VSIG1: variants seen among roughly 807,000 people sequenced by gnomAD.
The protein encoded by VSIG1 is V-set and immunoglobulin domain containing 1, also known as V-set and immunoglobulin domain-containing protein 1.
VSIG1 carries 11 observed loss-of-function variants against 20.1 expected under a neutral mutation model. The observed-to-expected ratio is 0.55, with a 90% CI of 0.34 to 0.91. The LOEUF is 0.91. Ranked by LOEUF, VSIG1 falls within the 40% of genes least tolerant of loss-of-function variation. The pLI is 0.02. For synonymous variants in VSIG1, 126 were observed against 116.7 expected, an observed-to-expected ratio of 1.08 and a Z score of -0.52; for missense variants, 283 against 298.8, an observed-to-expected ratio of 0.95 and a Z score of 0.39.
the VSIG1 span, among the ~76,000 whole-genome samples, chrX:108,031,980 G>T: frequency 3.7e-3 from 417 of 112,033 alleles, 1 homozygote; most frequent in Non-Finnish European, 6.0e-3. Flanking sequence ...GCCCCATATG[G>T]TAAAGCTGTT....
chrX:108,028,512 T>A, the VSIG1 span, among the ~76,000 whole-genome samples: 1 of 111,215 alleles, frequency 9.0e-6, no homozygotes, highest in African/African-American at 3.3e-5. Context: ...TTTGAGATTA[T>A]GATTGAGAAG....
At chrX:108,059,529 T>C (rs2147925748) in intron 2 of VSIG1, among the ~76,000 whole-genome samples, 1 of 112,205 alleles carries the variant, frequency 8.9e-6, no homozygotes, top group South Asian at 3.7e-4. Context: ...ATATAATGCA[T>C]GTGAAAAATA....
At chrX:108,039,286 G>A in the VSIG1 span, among the ~76,000 whole-genome samples, 27 of 112,046 alleles carry the variant, frequency 2.4e-4, no homozygotes, top group Non-Finnish European at 2.4e-4. Context: ...GGATTCAAGC[G>A]ATTCTCCTGT....
intron 1 of VSIG1, among the ~76,000 whole-genome samples, chrX:108,047,907 C>CACATATATATATATACACAT (rs1555980345): frequency 3.4e-5 from 1 of 29,244 alleles, no homozygotes; most frequent in Non-Finnish European, 5.3e-5. Flanking sequence ...TATATATACA[C>CACATATATATATATACACAT]ATATATATAT....
chrX:108,029,190 GA>G, the VSIG1 span, among the ~76,000 whole-genome samples: 12 of 112,155 alleles, frequency 1.1e-4, no homozygotes, highest in African/African-American at 3.9e-4. Flanking sequence ...TCATTTATTT[GA>G]AATTCATATA....
Position 108,067,012 on chromosome X carries a change from G to T in VSIG1, c.290G>T (p.Gly97Val). The change falls in exon 3 of 7, where the codon GGT (glycine) becomes GTT (valine). Residue 97 changes from glycine (G) to valine (V), a missense_variant. Physicochemically the swap from Gly to Val is moderately radical, Grantham distance 109. Coordinates refer to ENST00000217957, the MANE Select transcript of VSIG1 (RefSeq NM_182607.5). Reference protein sequence around the residue: ...KDRITGSNDPGNASITISHMQ... With the variant: ...KDRITGSNDPVNASITISHMQ... ...CGAATTACAGGGTCCAACGATCCAG[G>T]TAATGCATCTATCACTATCTCGCAT... 8.3e-7 allele frequency: 1 copy of T among 1,211,094 alleles called. No homozygotes were observed.
chrX:108,048,626 C>T (rs2030719926), intron 1 of VSIG1, among the ~76,000 whole-genome samples: 1 of 112,385 alleles, frequency 8.9e-6, no homozygotes, highest in Non-Finnish European at 1.9e-5. Flanking sequence ...AATAATTTCT[C>T]AACTTAGAAT....
intron 3 of VSIG1, among the ~76,000 whole-genome samples, chrX:108,070,378 A>T (rs1466663295): frequency 8.9e-6 from 1 of 112,038 alleles, no homozygotes; most frequent in Non-Finnish European, 1.9e-5. Context: ...CTGGGTCAGT[A>T]GTTTTAGAAA....
the VSIG1 span, among the ~76,000 whole-genome samples, chrX:108,028,138 A>G: frequency 9.0e-6 from 1 of 110,716 alleles, no homozygotes; most frequent in Non-Finnish European, 1.9e-5. Context: ...AAAAGTTGGA[A>G]ATCTACCACC....
Position 108,047,982 on chromosome X carries a change from A to G in VSIG1, c.49+2803A>G, listed in dbSNP as rs1357620012. 1.1e-4 allele frequency among the ~76,000 whole-genome samples: 8 copies of G among 71,672 alleles called. No homozygotes were observed. In the East Asian group the frequency reaches 2.1e-3, roughly 19 times the overall value. The allele number at this position is 71,672 out of a possible 115,157, so 62.2% of individuals were successfully genotyped here. A position where few individuals can be genotyped will look rare whatever the true frequency, so the allele number is the denominator to read the frequency against. On this transcript the variant is annotated intron_variant, in intron 1 of 6. Coordinates refer to ENST00000217957, the MANE Select transcript of VSIG1 (RefSeq NM_182607.5). ...CACACATATATATATATATATATAT[A>G]TATATATATATATATATATACACAT... is the stretch of plus-strand genomic sequence containing the variant.
chrX:108,076,897 T>A, intron 6 of VSIG1, 151 bp from the exon 7 acceptor site: 1 of 551,503 alleles, frequency 1.8e-6, no homozygotes, highest in Non-Finnish European at 2.9e-6. Flanking sequence ...AAATGACCTA[T>A]GGCCTGACAA....
intron 3 of VSIG1, among the ~76,000 whole-genome samples, chrX:108,069,325 T>C (rs953091054): frequency 1.8e-5 from 2 of 111,789 alleles, no homozygotes; most frequent in Non-Finnish European, 3.8e-5. Flanking sequence ...GAAGGGTCTG[T>C]GGATTTCCTT....
the VSIG1 span, among the ~76,000 whole-genome samples, chrX:108,026,323 T>A: frequency 9.0e-5 from 10 of 111,720 alleles, 1 homozygote; most frequent in Admixed American, 7.6e-4. Context: ...ACAAATTGAA[T>A]GTGGCGAGAG....
chrX:108,066,956 A>G lies in VSIG1; in HGVS notation c.234A>G (p.Gly78=), dbSNP rs2031142158. ...TCTAGATTTACTTTTCTCAAGGTGG[A>G]CAAGCTGTAGCCATCGGGCAATTTA... ...EPISIYFSQG[G]QAVAIGQFKD... Residue 78 remains glycine (G), a synonymous_variant, in exon 3 of 7, where the codon GGA becomes GGG. Transcript: ENST00000217957. 8.3e-7 allele frequency: 1 copy of G among 1,209,517 alleles called. No homozygotes were observed. The highest frequency in any genetic ancestry group is 1.8e-5 in the African/African-American group (1 of 57,105).
chrX:108,068,321 T>C (rs1207101515), intron 3 of VSIG1, among the ~76,000 whole-genome samples: 3 of 112,216 alleles, frequency 2.7e-5, no homozygotes, highest in Non-Finnish European at 5.6e-5. Flanking sequence ...ACAAGAGAAG[T>C]ATTACTCAAG....
the VSIG1 span, among the ~76,000 whole-genome samples, chrX:108,026,575 G>A: frequency 1.8e-5 from 2 of 111,322 alleles, no homozygotes; most frequent in Non-Finnish European, 3.8e-5. Context: ...CTGTGTATAT[G>A]TTAGCCCTTT....
the VSIG1 span, among the ~76,000 whole-genome samples, chrX:108,020,052 C>T: frequency 8.9e-6 from 1 of 112,010 alleles, no homozygotes; most frequent in Non-Finnish European, 1.9e-5. Context: ...TCAGTATTCT[C>T]TCTGATGATC....
chrX:108,048,668 C>T (rs930242756), intron 1 of VSIG1, among the ~76,000 whole-genome samples: 17 of 112,271 alleles, frequency 1.5e-4, no homozygotes, highest in African/African-American at 5.5e-4. Context: ...ACTTTTTTCC[C>T]TGACACTCAG....
At chrX:108,042,454 T>C (rs373555737), upstream of VSIG1, among the ~76,000 whole-genome samples, 230 of 112,111 alleles carry the variant, frequency 2.1e-3, 3 homozygotes, top group Non-Finnish European at 2.6e-3. Context: ...GTTTATGCTG[T>C]CTTTCCCAGG....
Sources: gnomAD v4.1 joint callset for allele counts (sites outside exome capture counted in the v4.1 genomes callset) on GRCh38, gnomAD v4.1.1 for gene constraint, MANE v1.5 for transcripts, NCBI Gene and HGNC (gene_info 2026-07-23, HGNC 2026-07-21) for gene names.